Variants in ARHGEF28 observed in about 807,000 individuals in gnomAD.
The protein encoded by ARHGEF28 is Rho guanine nucleotide exchange factor 28.
Under a neutral mutation model 206.6 loss-of-function variants are expected in ARHGEF28, and 152 were observed. The observed-to-expected ratio is 0.74, with a 90% confidence interval of 0.64 to 0.84. ARHGEF28 has a LOEUF of 0.84. Ranked by LOEUF, ARHGEF28 falls within the 40% of genes least tolerant of loss-of-function variation. The pLI is 0.00. For missense variants in ARHGEF28, 2,028 were observed against 2,073.2 expected (o/e 0.98, Z 0.42); for synonymous variants, 763 against 776.4 (o/e 0.98, Z 0.29).
At chr5:73,765,720 C>T (rs939262906) in intron 4 of ARHGEF28, among the ~76,000 whole-genome samples, 2 of 152,156 alleles carry the variant, frequency 1.3e-5, no homozygotes, top group Admixed American at 6.5e-5. Context: ...ATAATGGTCT[C>T]ATTCAATGTT....
At chr5:73,828,859 C>T (rs111477102) in intron 9 of ARHGEF28, among the ~76,000 whole-genome samples, 4 of 151,650 alleles carry the variant, frequency 2.6e-5, no homozygotes, top group African/African-American at 9.7e-5. Flanking sequence ...CTTATTCTGT[C>T]GTCCAGGCTG....
chr5:73,762,027 C>A (rs1421373004), intron 4 of ARHGEF28, among the ~76,000 whole-genome samples: 2 of 145,640 alleles, frequency 1.4e-5, no homozygotes, highest in African/African-American at 5.2e-5. Context: ...AGATGAAGGT[C>A]TTGCTATATT....
intron 2 of ARHGEF28, among the ~76,000 whole-genome samples, chr5:73,701,733 T>A (rs1436339253): frequency 6.6e-6 from 1 of 152,200 alleles, no homozygotes; most frequent in African/African-American, 2.4e-5. Context: ...TGGGACTGCC[T>A]TTTTAATCAC....
intron 29 of ARHGEF28, 115 bp from the exon 30 acceptor site, chr5:73,897,847 C>T (rs994510092): frequency 4.2e-6 from 5 of 1,186,924 alleles, no homozygotes; most frequent in Non-Finnish European, 5.8e-6. Context: ...CATTTTTAGC[C>T]CCTGGGTCCT....
chr5:73,712,216 G>A (rs150206699), intron 2 of ARHGEF28, among the ~76,000 whole-genome samples: 1 of 152,118 alleles, frequency 6.6e-6, no homozygotes, highest in East Asian at 1.9e-4. Flanking sequence ...TTATATTTAT[G>A]TTCATGAGGA....
chr5:73,824,269 C>A (rs1037734634), intron 9 of ARHGEF28, among the ~76,000 whole-genome samples: 15 of 152,036 alleles, frequency 9.9e-5, no homozygotes, highest in African/African-American at 3.1e-4. Context: ...GTGTTTTACA[C>A]AATCTGTTTG....
At chr5:73,922,667 A>T (rs1477677279) in intron 35 of ARHGEF28, among the ~76,000 whole-genome samples, 1 of 152,148 alleles carries the variant, frequency 6.6e-6, no homozygotes, top group Non-Finnish European at 1.5e-5. Flanking sequence ...ATTCATTTTC[A>T]TATGGTTCTG....
intron 7 of ARHGEF28, among the ~76,000 whole-genome samples, chr5:73,788,642 T>A (rs988170822): frequency 1.2e-4 from 19 of 152,216 alleles, no homozygotes; most frequent in Admixed American, 1.2e-3. Context: ...TCATCCTTGT[T>A]GTCTTCACAT....
At chr5:73,910,197 A>G (rs1012865830) in intron 34 of ARHGEF28, among the ~76,000 whole-genome samples, 2 of 151,886 alleles carry the variant, frequency 1.3e-5, no homozygotes, top group Non-Finnish European at 2.9e-5. Context: ...CCTGGCCAAC[A>G]TGGTGAAACC....
At chr5:73,746,402 A>G (rs2112388605) in intron 2 of ARHGEF28, among the ~76,000 whole-genome samples, 1 of 152,186 alleles carries the variant, frequency 6.6e-6, no homozygotes, top group East Asian at 1.9e-4. Context: ...AGAAGAAACC[A>G]CACAGTATGT....
At chr5:73,685,160 G>A (rs757528909) in intron 2 of ARHGEF28, among the ~76,000 whole-genome samples, 1 of 152,118 alleles carries the variant, frequency 6.6e-6, no homozygotes, top group Non-Finnish European at 1.5e-5. Context: ...AGTGGTGTGT[G>A]AATATATTAT....
intron 9 of ARHGEF28, 68 bp downstream of exon 9, chr5:73,795,459 G>A: frequency 7.4e-7 from 1 of 1,350,326 alleles, no homozygotes; most frequent in Non-Finnish European, 1.0e-6. Flanking sequence ...TGGACAAGAA[G>A]CAAGTAAATT....
chr5:73,934,950 A>G (rs1040351288), intron 35 of ARHGEF28, among the ~76,000 whole-genome samples: 1 of 152,196 alleles, frequency 6.6e-6, no homozygotes, highest in African/African-American at 2.4e-5. Context: ...GGGGCTTGTG[A>G]TGTGAAGGCC....
At chr5:73,684,783 T>C (rs1747340417) in intron 1 of ARHGEF28, 58 bp from the exon 2 acceptor site, 2 of 1,502,764 alleles carry the variant, frequency 1.3e-6, no homozygotes, top group African/African-American at 1.4e-5. Context: ...AGAGCTCTGC[T>C]GGTCGGTTCC....
intron 1 of ARHGEF28, among the ~76,000 whole-genome samples, chr5:73,630,283 T>A (rs992120190): frequency 6.6e-6 from 1 of 152,218 alleles, no homozygotes; most frequent in African/African-American, 2.4e-5. Flanking sequence ...ATTTTATAAT[T>A]CAAGAAATTA....
chr5:73,931,562 G>GA (rs200719719), intron 35 of ARHGEF28, among the ~76,000 whole-genome samples: 5,658 of 151,914 alleles, frequency 0.037, 316 homozygotes, highest in African/African-American at 0.12. Flanking sequence ...TTTTCTGGGG[G>GA]CTTTTTTGTT....
At chr5:73,818,587 A>G (rs1756378301) in intron 9 of ARHGEF28, among the ~76,000 whole-genome samples, 1 of 152,152 alleles carries the variant, frequency 6.6e-6, no homozygotes, top group Non-Finnish European at 1.5e-5. Flanking sequence ...TTTGGCTCTC[A>G]ATGAAGGGAG....
intron 24 of ARHGEF28, 58 bp from the exon 25 acceptor site, chr5:73,885,791 CT>C: frequency 6.7e-7 from 1 of 1,484,272 alleles, no homozygotes; most frequent in Non-Finnish European, 9.0e-7. Flanking sequence ...AGTTTTCTTC[CT>C]TAGTACTCTG....
At chr5:73,700,887 C>T (rs1235753617) in intron 2 of ARHGEF28, among the ~76,000 whole-genome samples, 1 of 152,036 alleles carries the variant, frequency 6.6e-6, no homozygotes, top group African/African-American at 2.4e-5. Flanking sequence ...AAACACTTCC[C>T]GTGAGTTGAG....
Sources: gnomAD v4.1 joint callset for allele counts (sites outside exome capture counted in the v4.1 genomes callset) on GRCh38, gnomAD v4.1.1 for gene constraint, MANE v1.5 for transcripts, NCBI Gene and HGNC (gene_info 2026-07-23, HGNC 2026-07-21) for gene names.